Variants in UPP2 observed in about 807,000 individuals in gnomAD.
The protein encoded by UPP2 is uridine phosphorylase 2, also known as UPase 2.
A neutral mutation model predicts 26.7 loss-of-function variants in UPP2; 23 were observed. The ratio of observed to expected loss-of-function variants is 0.86; its 90% CI spans 0.62 to 1.22. The LOEUF (loss-of-function observed/expected upper bound fraction) is 1.22. Among genes scored for constraint, UPP2 ranks in the 50% most tolerant of loss-of-function variants. The probability of loss-of-function intolerance (pLI) is 0.00; values close to 1 mark genes in which losing one functional copy is unlikely to be tolerated. For synonymous variants in UPP2, 127 were observed against 141.3 expected (o/e 0.90, Z 0.72); for missense variants, 387 against 396.7 (o/e 0.98, Z 0.21).
intron 3 of UPP2, among the ~76,000 whole-genome samples, chr2:158,053,463 T>G (rs1457133167): frequency 2.6e-5 from 4 of 152,174 alleles, no homozygotes; most frequent in Non-Finnish European, 5.9e-5. Context: ...GCAGTCTGAC[T>G]CCAATGTCTG....
At position 158,078,096 on chromosome 2, in the gene UPP2, C is replaced by T. The variant is rs189247956; in HGVS notation, c.148-23944C>T. 4.5e-3 allele frequency among the ~76,000 whole-genome samples: 680 copies of T among 152,132 alleles called. 9 individuals are homozygous for T. The highest frequency in any genetic ancestry group is 0.016 in the African/African-American group (650 of 41,526). On this transcript the variant is annotated intron_variant, in intron 3 of 9. Transcript: ENST00000605860. ...ACTACAATGAGATATCATCCCACCC[C>T]AATAAAAATGGCTTTTATTCAAATG...
At chr2:158,114,986 A>T in intron 2 of UPP2, 115 bp from the exon 3 acceptor site, 1 of 1,024,404 alleles carries the variant, frequency 9.8e-7, no homozygotes, top group Non-Finnish European at 1.3e-6. Context: ...CATGACATCT[A>T]CACGTGTTCT....
intron 3 of UPP2, among the ~76,000 whole-genome samples, chr2:158,056,384 A>T (rs963757178): frequency 6.6e-6 from 1 of 152,026 alleles, no homozygotes; most frequent in Non-Finnish European, 1.5e-5. Context: ...TAGTTGATTC[A>T]GATGTCTTTG....
In UPP2 at chr2:158,135,735, C is replaced by A. The variant is rs541100987; in HGVS notation, c.*845C>A. The A allele has an allele frequency of 6.6e-6, 1 of 152,084 alleles. No homozygotes were observed. The highest frequency in any genetic ancestry group is 1.5e-5 in the Non-Finnish European group (1 of 68,028). The allele number at this position is 152,084 out of a possible 1,614,324, so 9.4% of individuals were successfully genotyped here. A position where few individuals can be genotyped will look rare whatever the true frequency, so the allele number is the denominator to read the frequency against. On this transcript the variant is annotated 3_prime_UTR_variant, in exon 7 of 7. Transcript: ENST00000005756. ...ATCCTTTTGTATGACTTGTCCAGAC[C>A]GGCCTATTGCCCTACCCGTTTGATT...
intron 4 of UPP2, among the ~76,000 whole-genome samples, chr2:158,120,818 G>T (rs553440930): frequency 2.6e-5 from 4 of 152,004 alleles, no homozygotes; most frequent in South Asian, 2.1e-4. Flanking sequence ...GTGAAAAGGT[G>T]GGGGGAGGAG....
At chr2:158,074,690 T>C (rs201765123) in intron 3 of UPP2, among the ~76,000 whole-genome samples, 18 of 135,402 alleles carry the variant, frequency 1.3e-4, no homozygotes, top group Admixed American at 9.7e-4. Flanking sequence ...AAGACCTTCA[T>C]ACACACACAC....
intron 3 of UPP2, among the ~76,000 whole-genome samples, chr2:158,017,283 T>G (rs550408156): frequency 1.3e-5 from 2 of 152,292 alleles, no homozygotes; most frequent in East Asian, 1.9e-4. Context: ...TAACTTTATT[T>G]TAAAAATAGT....
intron 2 of UPP2, among the ~76,000 whole-genome samples, chr2:158,112,460 G>A (rs562098218): frequency 2.6e-4 from 40 of 152,032 alleles, no homozygotes; most frequent in African/African-American, 8.9e-4. Context: ...AACTCAAAAT[G>A]GATGAAAGAC....
At position 158,069,138 on chromosome 2, in the gene UPP2, C is replaced by T. The variant is rs756336524; in HGVS notation, c.148-32902C>T. Reference sequence around the variant, plus strand: ...GGCTTTTTGCTGTCCAGAGGCTAGTCGCCTCTGGAACAAATGATTGCCAAG... The same window carrying T: ...GGCTTTTTGCTGTCCAGAGGCTAGTTGCCTCTGGAACAAATGATTGCCAAG... On this transcript the variant is annotated intron_variant, in intron 3 of 9. Transcript: ENST00000605860. Among the ~76,000 whole-genome samples the T allele has an allele frequency of 4.6e-5, 7 of 151,908 alleles. 1 individual carries two copies. Among genetic ancestry groups the T allele is most frequent in the East Asian group, 1.9e-4 (1 of 5,152 alleles).
intron 3 of UPP2, among the ~76,000 whole-genome samples, chr2:158,069,940 TG>T (rs377659266): frequency 5.2e-4 from 79 of 152,224 alleles, no homozygotes; most frequent in Middle Eastern, 6.8e-3. Flanking sequence ...GAGAACTCTC[TG>T]GGGTCCCTTT....
intron 3 of UPP2, among the ~76,000 whole-genome samples, chr2:158,070,540 T>A (rs1682521569): frequency 1.3e-5 from 2 of 152,260 alleles, no homozygotes; most frequent in Admixed American, 1.3e-4. Flanking sequence ...CCTAACCCAA[T>A]GTTCTTTCCT....
intron 3 of UPP2, among the ~76,000 whole-genome samples, chr2:158,055,760 T>C (rs1313501948): frequency 6.6e-6 from 1 of 152,190 alleles, no homozygotes; most frequent in Admixed American, 6.5e-5. Context: ...TGTCCTGTGT[T>C]GGTTTCTTTC....
chr2:158,061,661 C>T (rs1350867980), intron 3 of UPP2, among the ~76,000 whole-genome samples: 1 of 152,238 alleles, frequency 6.6e-6, no homozygotes, highest in East Asian at 1.9e-4. Flanking sequence ...ATCACTGTCT[C>T]TTCCATTTAA....
chr2:158,123,537 C>T (rs1342569325), intron 5 of UPP2, among the ~76,000 whole-genome samples: 4 of 152,204 alleles, frequency 2.6e-5, no homozygotes, highest in Non-Finnish European at 4.4e-5. Flanking sequence ...GCCATGAAGG[C>T]TCCTTCCTAC....
intron 3 of UPP2, among the ~76,000 whole-genome samples, chr2:158,083,521 C>A (rs991332324): frequency 1.3e-5 from 2 of 151,702 alleles, no homozygotes; most frequent in Admixed American, 6.6e-5. Flanking sequence ...CACATGGACA[C>A]AGGGAGGGGA....
intron 3 of UPP2, among the ~76,000 whole-genome samples, chr2:158,086,396 A>G (rs1682815463): frequency 6.6e-6 from 1 of 151,906 alleles, no homozygotes. Context: ...TTCTTGTTTC[A>G]TCTCACTAGT....
chr2:158,060,555 T>C (rs752981141), intron 3 of UPP2, among the ~76,000 whole-genome samples: 48 of 152,166 alleles, frequency 3.2e-4, no homozygotes, highest in South Asian at 2.1e-4. Context: ...CATGAGCAGA[T>C]TGCAAAATTC....
At chr2:158,056,665 G>A (rs1291321958) in intron 3 of UPP2, among the ~76,000 whole-genome samples, 3 of 152,104 alleles carry the variant, frequency 2.0e-5, no homozygotes, top group South Asian at 2.1e-4. Flanking sequence ...TGCCTTCACC[G>A]TCAAATGGCC....
At chr2:158,123,589 C>A (rs1467897039) in intron 5 of UPP2, among the ~76,000 whole-genome samples, 160 bp from the exon 6 acceptor site, 1 of 152,172 alleles carries the variant, frequency 6.6e-6, no homozygotes, top group African/African-American at 2.4e-5. Context: ...CTCCACAGTC[C>A]TCTGGTAGGA....
Sources: allele counts gnomAD v4.1 joint callset (sites outside exome capture counted in the v4.1 genomes callset), GRCh38; gene constraint gnomAD v4.1.1; transcripts MANE v1.5; gene names NCBI Gene and HGNC (gene_info 2026-07-23, HGNC 2026-07-21).